Variants in ARID5B observed in about 807,000 individuals in gnomAD.
The protein encoded by ARID5B is AT-rich interactive domain-containing protein 5B.
In ARID5B, 13 loss-of-function variants were observed where a neutral mutation model predicts 97.2. The ratio of observed to expected loss-of-function variants is 0.13; its 90% CI spans 0.09 to 0.21. The LOEUF is 0.21. ARID5B is among the 10% of genes least tolerant of loss of function. The pLI, the probability that ARID5B is intolerant of heterozygous loss-of-function variation, is 1.00. For missense variants in ARID5B, 1,210 were observed against 1,465.3 expected, an observed-to-expected ratio of 0.83 and a Z score of 2.84; for synonymous variants, 556 against 570.3, an observed-to-expected ratio of 0.97 and a Z score of 0.36.
At chr10:61,922,664 G>A (rs910460406) in intron 2 of ARID5B, among the ~76,000 whole-genome samples, 1 of 152,182 alleles carries the variant, frequency 6.6e-6, no homozygotes, top group Non-Finnish European at 1.5e-5. Context: ...AATCATGTTG[G>A]CATACGGCCA....
rs1230845488 is a variant in ARID5B, at chr10:62,000,512, G to A, written c.733+191G>A. ...CTCCTTCGTAGCCTCTGTTTACTAT[G>A]AGTAAGAGATGATTATTTATAATTT... On this transcript the variant is annotated intron_variant, in intron 4 of 9. Transcript: ENST00000279873. The surrounding 1 kb of genome is among the most constrained non-coding windows in gnomAD (Gnocchi z 4.4). Among the ~76,000 whole-genome samples the A allele has an allele frequency of 2.7e-5, 4 of 149,260 alleles. No individual in the cohort carries two copies. Among genetic ancestry groups the A allele is most frequent in the African/African-American group, 9.9e-5 (4 of 40,592 alleles).
At chr10:61,980,732 A>T (rs1838765563) in intron 3 of ARID5B, among the ~76,000 whole-genome samples, 1 of 152,160 alleles carries the variant, frequency 6.6e-6, no homozygotes, top group African/African-American at 2.4e-5. Flanking sequence ...GCTGGTAGTG[A>T]AGGAACTAGA....
At chr10:61,956,440 C>T (rs1323279458) in intron 3 of ARID5B, among the ~76,000 whole-genome samples, 1 of 152,236 alleles carries the variant, frequency 6.6e-6, no homozygotes, top group Non-Finnish European at 1.5e-5. Context: ...TGGTTTATAG[C>T]ATAAACAATT....
At chr10:62,055,357 T>C (rs1377142317) in intron 5 of ARID5B, among the ~76,000 whole-genome samples, 1 of 152,200 alleles carries the variant, frequency 6.6e-6, no homozygotes, top group East Asian at 1.9e-4. Flanking sequence ...CTCCGTTTCC[T>C]CATTTCTAAT....
rs1041495815 is a variant in ARID5B, at chr10:62,096,738, A to G, written c.*3708A>G. On this transcript the variant is annotated 3_prime_UTR_variant, in exon 10 of 10. Coordinates refer to ENST00000279873, the MANE Select transcript of ARID5B (RefSeq NM_032199.3). ...TAGTTTCCCAATGGAGAGGTTATTG[A>G]GTAACCTTTGCATTAGTTTAAACAC... is the stretch of plus-strand genomic sequence containing the variant. 4.3e-6 allele frequency: 1 copy of G among 233,450 alleles called. No individual in the cohort carries two copies. Among genetic ancestry groups the G allele is most frequent in the African/African-American group, 2.2e-5 (1 of 45,344 alleles). 14.5% of individuals were successfully genotyped at this position (233,450 alleles called of 1,614,324 possible).
intron 7 of ARID5B, among the ~76,000 whole-genome samples, chr10:62,068,244 A>G (rs1794378074): frequency 6.6e-6 from 1 of 152,194 alleles, no homozygotes; most frequent in South Asian, 2.1e-4. Context: ...GTAAATAAGG[A>G]GGATTTTATT....
At chr10:61,947,470 G>A (rs1838255265) in intron 3 of ARID5B, among the ~76,000 whole-genome samples, 1 of 151,506 alleles carries the variant, frequency 6.6e-6, no homozygotes, top group Non-Finnish European at 1.5e-5. Flanking sequence ...GGGGTTTCAC[G>A]ATGTTGGCCA....
At chr10:61,993,764 G>A (rs980442155) in intron 3 of ARID5B, among the ~76,000 whole-genome samples, 4 of 152,152 alleles carry the variant, frequency 2.6e-5, no homozygotes, top group East Asian at 3.8e-4. Context: ...TTGGAATAGC[G>A]CCAGGTATAT....
chr10:61,977,057 T>C (rs1287024581), intron 3 of ARID5B, among the ~76,000 whole-genome samples: 1 of 152,168 alleles, frequency 6.6e-6, no homozygotes, highest in Non-Finnish European at 1.5e-5. Context: ...CCACTTCCTG[T>C]GTCCAAGTGT....
At chr10:62,073,843 G>A (rs948969720) in intron 8 of ARID5B, among the ~76,000 whole-genome samples, 2 of 152,162 alleles carry the variant, frequency 1.3e-5, no homozygotes, top group African/African-American at 4.8e-5. Flanking sequence ...TGTAGCTTTT[G>A]ATGCAAAGAA....
At chr10:62,058,064 C>T (rs1174608780) in intron 6 of ARID5B, among the ~76,000 whole-genome samples, 1 of 152,148 alleles carries the variant, frequency 6.6e-6, no homozygotes, top group Non-Finnish European at 1.5e-5. Context: ...AGATTAAAAC[C>T]ATGTGTCATT....
chr10:61,979,135 C>A (rs187757616), intron 3 of ARID5B, among the ~76,000 whole-genome samples: 1 of 152,186 alleles, frequency 6.6e-6, no homozygotes, highest in East Asian at 1.9e-4. Context: ...CATGGCCTGC[C>A]AGTGGGAGGT....
At chr10:61,943,371 G>T (rs1241290272) in intron 3 of ARID5B, among the ~76,000 whole-genome samples, 1 of 151,986 alleles carries the variant, frequency 6.6e-6, no homozygotes, top group Non-Finnish European at 1.5e-5. Context: ...CATTGTTAAT[G>T]GAAATTCACA....
At chr10:61,942,822 AG>A (rs1347207129) in intron 3 of ARID5B, among the ~76,000 whole-genome samples, 3 of 152,050 alleles carry the variant, frequency 2.0e-5, no homozygotes, top group East Asian at 1.9e-4. Flanking sequence ...AAAACAAAAA[AG>A]GCTTTTAGGT....
chr10:61,958,077 C>A (rs72833363), intron 3 of ARID5B, among the ~76,000 whole-genome samples: 3 of 152,094 alleles, frequency 2.0e-5, no homozygotes, highest in African/African-American at 7.2e-5. Flanking sequence ...AAGGAAGGAA[C>A]TCACAGGTAG....
chr10:62,012,257 A>C (rs1258328910), intron 4 of ARID5B, among the ~76,000 whole-genome samples: 1 of 152,124 alleles, frequency 6.6e-6, no homozygotes, highest in Non-Finnish European at 1.5e-5. Context: ...GGCTAAGAAA[A>C]GTTAAGTAAC....
At chr10:62,057,458 T>C in intron 6 of ARID5B, 140 bp downstream of exon 6, 1 of 908,310 alleles carries the variant, frequency 1.1e-6, no homozygotes, top group Non-Finnish European at 1.6e-6. Flanking sequence ...CCATAAATGT[T>C]CCAGGCCAAG....
chr10:62,010,432 G>A (rs545916895), intron 4 of ARID5B, among the ~76,000 whole-genome samples: 6 of 152,228 alleles, frequency 3.9e-5, no homozygotes, highest in Non-Finnish European at 8.8e-5. Flanking sequence ...GAGGGGGTAA[G>A]AATCAACATG....
chr10:62,058,022 T>C (rs1839878862), intron 6 of ARID5B, among the ~76,000 whole-genome samples: 1 of 152,186 alleles, frequency 6.6e-6, no homozygotes, highest in Non-Finnish European at 1.5e-5. Flanking sequence ...GCCTCTGGCT[T>C]GAAATAGTAT....
Sources: allele counts gnomAD v4.1 joint callset (sites outside exome capture counted in the v4.1 genomes callset), GRCh38; gene constraint gnomAD v4.1.1; non-coding constraint Gnocchi (gnomAD v3.1); transcripts MANE v1.5; gene names NCBI Gene and HGNC (gene_info 2026-07-23, HGNC 2026-07-21).